The following SLX4 variants were observed in gnomAD, a reference collection of about 807,000 sequenced individuals.
SLX4 encodes SLX4 structure-specific endonuclease subunit.
Under a neutral mutation model 146.2 loss-of-function variants are expected in SLX4, and 112 were observed. The ratio of observed to expected loss-of-function variants is 0.77; its 90% CI spans 0.66 to 0.90. The LOEUF is 0.90. SLX4 is among the 40% of genes least tolerant of loss of function. SLX4 has a pLI of 0.00. For missense variants in SLX4, 2,563 were observed against 2,392.7 expected (o/e 1.07, Z -1.49); for synonymous variants, 1,061 against 997.7 (o/e 1.06, Z -1.20).
intron 10 of SLX4, among the ~76,000 whole-genome samples, chr16:3,593,727 T>C (rs1465464929): frequency 6.6e-6 from 1 of 152,178 alleles, no homozygotes; most frequent in Non-Finnish European, 1.5e-5. Flanking sequence ...GCTCCCTGAG[T>C]TCCTGCCCAC....
At chr16:3,602,021 T>A (rs1472591885) in intron 4 of SLX4, 97 bp downstream of exon 4, 1 of 1,440,588 alleles carries the variant, frequency 6.9e-7, no homozygotes, top group African/African-American at 1.4e-5. Context: ...GAGGTGCTGT[T>A]GTCATGGTAA....
At chr16:3,582,771 G>T (rs2040455651) in intron 14 of SLX4, 78 bp from the exon 15 acceptor site, 1 of 1,356,930 alleles carries the variant, frequency 7.4e-7, no homozygotes, top group Non-Finnish European at 1.0e-6. Context: ...TTAAAGGAAG[G>T]AAGGTGTCTA....
intron 3 of SLX4, among the ~76,000 whole-genome samples, chr16:3,602,612 C>T (rs1397752578): frequency 2.0e-5 from 3 of 152,224 alleles, no homozygotes; most frequent in African/African-American, 7.2e-5. Flanking sequence ...TTCTAGCAGC[C>T]TCCAGGCTTG....
chr16:3,608,520 C>T lies in SLX4; in HGVS notation c.445G>A (p.Asp149Asn), dbSNP rs372449620. 9.9e-6 allele frequency: 16 copies of T among 1,614,058 alleles called. No individual in the cohort carries two copies. Among genetic ancestry groups the T allele is most frequent in the South Asian group, 2.2e-5 (2 of 91,090 alleles). ...GEGGVLASAP[D>N]PPVLRETAQN... ...GCTGTTTCCCGGAGCACAGGTGGATCTGGAGCAGAGGCAAGCACACCCCCC... is the reference window on the plus strand; with the variant it reads ...GCTGTTTCCCGGAGCACAGGTGGATTTGGAGCAGAGGCAAGCACACCCCCC... The change falls in exon 2 of 15, where the codon GAT becomes AAT. Residue 149 changes from aspartate to asparagine, a missense_variant. By Grantham distance (23) the Asp-to-Asn change is conservative. Coordinates refer to ENST00000294008, the MANE Select transcript of SLX4 (RefSeq NM_032444.4).
Position 3,597,627 on chromosome 16 carries a change from T to C in SLX4, c.1435A>G (p.Thr479Ala), listed in dbSNP as rs1378066020. 1 of 1,614,030 alleles carries C rather than the reference T, an allele frequency of 6.2e-7. No homozygotes were observed. Among genetic ancestry groups the C allele is most frequent in the East Asian group, 2.2e-5 (1 of 44,864 alleles). Residue 479 changes from threonine to alanine, a missense_variant, in exon 7 of 15, where the codon ACA becomes GCA. Physicochemically the swap from Thr to Ala is moderately conservative, Grantham distance 58. Transcript: ENST00000294008. This position sits in a 1 kb window ranked among gnomAD's most constrained non-coding sequence, Gnocchi z 4.4. ...PLLLVQDSET[T>A]GRQIEDRVAL... ...ACACGGTCCTCTATCTGTCGGCCTG[T>C]GGTTTCAGAGTCCTGGACTAACAAC... is the stretch of plus-strand genomic sequence containing the variant.
rs2040818869 is a variant in SLX4, at chr16:3,609,038, T to C, written c.-74A>G. 6.6e-7 allele frequency: 1 copy of C among 1,508,828 alleles called. No homozygotes were observed. The highest frequency in any genetic ancestry group is 1.4e-5 in the African/African-American group (1 of 72,728). The allele number at this position is 1,508,828 out of a possible 1,614,324, so 93.5% of individuals were successfully genotyped here. ...TTGAACAAAAAGTACTGTTTTCCTC[T>C]CTATAATGATTGAAGTATCTTTGTT... On this transcript the variant is annotated 5_prime_UTR_variant, in exon 2 of 15. Transcript: ENST00000294008.
intron 5 of SLX4, among the ~76,000 whole-genome samples, chr16:3,600,429 G>A (rs901899837): frequency 6.6e-5 from 10 of 152,040 alleles, no homozygotes; most frequent in Admixed American, 2.6e-4. Context: ...AAAACAGTGC[G>A]AAGATCATTT....
chr16:3,608,629 C>T lies in SLX4; in HGVS notation c.336G>A (p.Pro112=), dbSNP rs79126454. 7.1e-4 allele frequency: 1,142 copies of T among 1,614,138 alleles called. 10 individuals are homozygous for T. In the African/African-American group the frequency reaches 0.013, roughly 18 times the overall value. The change falls in exon 2 of 15, where the codon CCG becomes CCA. Residue 112 remains proline (P), a synonymous_variant. Coordinates refer to ENST00000294008, the MANE Select transcript of SLX4 (RefSeq NM_032444.4). ...TAGTCCTAGGGGCCTGGCTGCCAGACGGAGGTTTCTTCTCTGCAGGGCCTT... is the reference window on the plus strand; with the variant it reads ...TAGTCCTAGGGGCCTGGCTGCCAGATGGAGGTTTCTTCTCTGCAGGGCCTT... ...TLQGPAEKKP[P]SGSQAPRTKK...
rs773117024 is a variant in SLX4, at chr16:3,608,541, C to T, written c.424G>A (p.Gly142Ser). The T allele has an allele frequency of 6.2e-7, 1 of 1,614,162 alleles. No homozygotes were observed. The highest frequency in any genetic ancestry group is 8.5e-7 in the Non-Finnish European group (1 of 1,180,048). Residue 142 changes from glycine (G) to serine (S), a missense_variant, in exon 2 of 15, where the codon GGT becomes AGT. Physicochemically the swap from Gly to Ser is moderately conservative, Grantham distance 56. Transcript: ENST00000294008. Reference protein sequence around the residue: ...EPAHSVNGEGGVLASAPDPPV... With the variant: ...EPAHSVNGEGSVLASAPDPPV... ...GGATCTGGAGCAGAGGCAAGCACAC[C>T]CCCCTCCCCATTCACAGAGTGGGCC...
intron 3 of SLX4, among the ~76,000 whole-genome samples, chr16:3,602,636 C>A (rs993192151): frequency 6.6e-6 from 1 of 152,220 alleles, no homozygotes; most frequent in African/African-American, 2.4e-5. Flanking sequence ...ATGCTGGCAG[C>A]ACAGGACCAC....
intron 3 of SLX4, among the ~76,000 whole-genome samples, chr16:3,603,207 C>T (rs182131535): frequency 5.9e-5 from 9 of 152,308 alleles, no homozygotes; most frequent in Non-Finnish European, 1.2e-4. Flanking sequence ...GTGCCCACCA[C>T]ACCTGGCTAA....
At chr16:3,583,631 T>C (rs533981080) in intron 13 of SLX4, 121 bp from the exon 14 acceptor site, 21 of 1,061,048 alleles carry the variant, frequency 2.0e-5, no homozygotes, top group Admixed American at 5.5e-5. Flanking sequence ...TGACAAACCA[T>C]AGATGCCTGA....
rs769315247 is a variant in SLX4, at chr16:3,592,758, G to A, written c.2268C>T (p.Tyr756=). ...EAARTFLHYL[Y]TADTGLPPGL... ...CAGGAGGAAGGCCAGTGTCCGCAGT[G>A]TAGAGATAGTGCAGGAACGTGCGGG... The change falls in exon 11 of 15, where the codon TAC becomes TAT. Residue 756 remains tyrosine, a synonymous_variant. Transcript: ENST00000294008. 3.7e-6 allele frequency: 6 copies of A among 1,613,214 alleles called. No homozygotes were observed. The highest frequency in any genetic ancestry group is 1.7e-5 in the Admixed American group (1 of 60,008).
rs138615800 is a variant in SLX4, at chr16:3,606,524, C to T, written c.710G>A (p.Arg237Gln). 8,450 of 1,614,176 alleles carry T rather than the reference C, an allele frequency of 5.2e-3. 32 individuals are homozygous for T. The highest frequency in any genetic ancestry group is 0.016 in the African/African-American group (1,203 of 75,022). ...ASEECSLEAAREENVPKDPQE... is the reference protein window; with the variant it reads ...ASEECSLEAAQEENVPKDPQE... ...AGGATCCTTTGGGACATTTTCTTCC[C>T]GCGCAGCCTCGAGGGAGCACTCTTC... is the stretch of plus-strand genomic sequence containing the variant. Residue 237 changes from arginine to glutamine, a missense_variant, in exon 3 of 15, where the codon CGG (arginine) becomes CAG (glutamine). Physicochemically the swap from Arg to Gln is conservative, Grantham distance 43. Coordinates refer to ENST00000294008, the MANE Select transcript of SLX4 (RefSeq NM_032444.4).
Position 3,582,558 on chromosome 16 carries a change from C to G in SLX4, c.5289G>C (p.Lys1763Asn), listed in dbSNP as rs759412447. 6.2e-7 allele frequency: 1 copy of G among 1,613,872 alleles called. No individual in the cohort carries two copies. Among genetic ancestry groups the G allele is most frequent in the Non-Finnish European group, 8.5e-7 (1 of 1,180,046 alleles). Residue 1763 changes from lysine to asparagine, a missense_variant, in exon 15 of 15, where the codon AAG becomes AAC. By Grantham distance (94) the Lys-to-Asn change is moderately conservative (BLOSUM62 0). Coordinates refer to ENST00000294008, the MANE Select transcript of SLX4 (RefSeq NM_032444.4). ...GCAGCACCTTCTGGTACAGGGCCGG[C>G]TTGGAGCGGATGTAGCACCTCAGCG... ...DEALRCYIRS[K>N]PALYQKVLLY...
At position 3,602,214 on chromosome 16, in the gene SLX4, T is replaced by C; in HGVS notation, c.854A>G (p.Asp285Gly). The change falls in exon 4 of 15, where the codon GAT (aspartate) becomes GGT (glycine). Residue 285 changes from aspartate to glycine, a missense_variant. By Grantham distance (94) the Asp-to-Gly change is moderately conservative. Coordinates refer to ENST00000294008, the MANE Select transcript of SLX4 (RefSeq NM_032444.4). Reference protein sequence around the residue: ...EFARVGASAHDDSLEEKGLFF... With the variant: ...EFARVGASAHGDSLEEKGLFF... ...CAAACCCTTTTCCTCCAGGCTATCATCATGTGCCGATGCTCCTACCCGTGC... is the reference window on the plus strand; with the variant it reads ...CAAACCCTTTTCCTCCAGGCTATCACCATGTGCCGATGCTCCTACCCGTGC... 1 of 1,614,160 alleles carries C rather than the reference T, an allele frequency of 6.2e-7. No homozygotes were observed. Among genetic ancestry groups the C allele is most frequent in the Non-Finnish European group, 8.5e-7 (1 of 1,180,032 alleles).
At chr16:3,598,282 C>T (rs2040688913) in intron 5 of SLX4, among the ~76,000 whole-genome samples, 1 of 152,230 alleles carries the variant, frequency 6.6e-6, no homozygotes, top group South Asian at 2.1e-4. Flanking sequence ...TGCACATCCT[C>T]ATGTGGCCAA....
chr16:3,590,265 C>T lies in SLX4; in HGVS notation c.3373G>A (p.Asp1125Asn), dbSNP rs1284491197. The stretch of plus-strand genomic sequence containing the variant: ...TGGTCAGGATTTGACTGGGTTAGGT[C>T]AATAGACGGAGATTTTTCTGGGAAC... ...LMFPEKSPSI[D>N]LTQSNPDHSS... Residue 1125 changes from aspartate to asparagine, a missense_variant, in exon 12 of 15, where the codon GAC (aspartate) becomes AAC (asparagine). Physicochemically the swap from Asp to Asn is conservative, Grantham distance 23. Coordinates refer to ENST00000294008, the MANE Select transcript of SLX4 (RefSeq NM_032444.4). This position sits in a 1 kb window ranked among gnomAD's most constrained non-coding sequence, Gnocchi z 4.8. The T allele has an allele frequency of 1.2e-6, 2 of 1,614,160 alleles. No individual in the cohort carries two copies. The highest frequency in any genetic ancestry group is 3.3e-5 in the Admixed American group (2 of 60,026).
rs143831403 is a variant in SLX4 at position 3,597,489 on chromosome 16, G to A, written c.1573C>T (p.Arg525Cys). The change falls in exon 7 of 15, where the codon CGC becomes TGC. Residue 525 changes from arginine (R) to cysteine (C), a missense_variant. By Grantham distance (180) the Arg-to-Cys change is radical (BLOSUM62 -3). Coordinates refer to ENST00000294008, the MANE Select transcript of SLX4 (RefSeq NM_032444.4). The surrounding 1 kb of genome is among the most constrained non-coding windows in gnomAD (Gnocchi z 4.4). ...CCCTCCCACAGAAAGCTCTGCTTGC[G>A]TTCAGGTGGAGGAGGACACTGGCCC... ...RAGQCPPPPE[R>C]KQSFLWEGSA... The A allele has an allele frequency of 1.8e-5, 29 of 1,614,042 alleles. No individual in the cohort carries two copies. Among genetic ancestry groups the A allele is most frequent in the Admixed American group, 1.0e-4 (6 of 60,014 alleles).
Sources: allele counts gnomAD v4.1 joint callset (sites outside exome capture counted in the v4.1 genomes callset), GRCh38; gene constraint gnomAD v4.1.1; non-coding constraint Gnocchi (gnomAD v3.1); transcripts MANE v1.5; gene names NCBI Gene and HGNC (gene_info 2026-07-23, HGNC 2026-07-21).